ATP2B2: variants seen among roughly 807,000 people sequenced by gnomAD.
The protein encoded by ATP2B2 is ATPase plasma membrane Ca2+ transporting 2.
A neutral mutation model predicts 120.0 loss-of-function variants in ATP2B2; 15 were observed. The observed-to-expected ratio is 0.12, with a 90% CI of 0.08 to 0.19. The LOEUF (loss-of-function observed/expected upper bound fraction) is 0.19, where lower values mean the gene tolerates loss of function less well. Among genes scored for constraint, ATP2B2 ranks in the 10% least tolerant of loss-of-function variants. ATP2B2 has a pLI of 1.00. For synonymous variants in ATP2B2, 694 were observed against 700.3 expected (o/e 0.99, Z 0.14); for missense variants, 1,045 against 1,719.8 (o/e 0.61, Z 6.94).
chr3:10,446,895 A>G (rs1444198361), intron 2 of ATP2B2, among the ~76,000 whole-genome samples: 1 of 152,264 alleles, frequency 6.6e-6, no homozygotes, highest in Non-Finnish European at 1.5e-5. Flanking sequence ...ATGAGAAAAC[A>G]GAGTTCTTTA....
At chr3:10,655,583 C>G (rs950509119) in intron 1 of ATP2B2, among the ~76,000 whole-genome samples, 1 of 152,198 alleles carries the variant, frequency 6.6e-6, no homozygotes, top group Admixed American at 6.5e-5. Flanking sequence ...GGTCCCAGAG[C>G]CCATCAAATC....
intron 1 of ATP2B2, among the ~76,000 whole-genome samples, chr3:10,501,370 A>C (rs1202541728): frequency 4.3e-5 from 5 of 116,188 alleles, no homozygotes; most frequent in Admixed American, 8.7e-5. Flanking sequence ...CATTTTTTAA[A>C]CGGTTTTTTT....
At chr3:10,575,878 T>C (rs1446355534) in intron 2 of ATP2B2, among the ~76,000 whole-genome samples, 1 of 152,200 alleles carries the variant, frequency 6.6e-6, no homozygotes, top group African/African-American at 2.4e-5. Flanking sequence ...ATCTGACTTC[T>C]GGAAACTGTC....
intron 1 of ATP2B2, among the ~76,000 whole-genome samples, chr3:10,643,568 T>C (rs1368575320): frequency 2.0e-5 from 3 of 152,180 alleles, no homozygotes; most frequent in Non-Finnish European, 4.4e-5. Context: ...ATCACATGCC[T>C]GGGAAAGACA....
intron 2 of ATP2B2, among the ~76,000 whole-genome samples, chr3:10,553,109 C>T (rs563923381): frequency 6.6e-6 from 1 of 152,288 alleles, no homozygotes; most frequent in South Asian, 2.1e-4. Context: ...GGGAACATAA[C>T]AGAAATGCTT....
At chr3:10,512,389 C>T (rs1559431164) in intron 3 of ATP2B2, among the ~76,000 whole-genome samples, 1 of 151,800 alleles carries the variant, frequency 6.6e-6, no homozygotes, top group Non-Finnish European at 1.5e-5. Flanking sequence ...CATGTCCAGC[C>T]TGAATGGCTC....
At chr3:10,575,667 G>A (rs1489065055) in intron 2 of ATP2B2, among the ~76,000 whole-genome samples, 1 of 152,176 alleles carries the variant, frequency 6.6e-6, no homozygotes, top group Non-Finnish European at 1.5e-5. Context: ...GGGTAGAGAG[G>A]ATGAGAAATG....
intron 2 of ATP2B2, among the ~76,000 whole-genome samples, chr3:10,535,417 G>GT (rs2067294057): frequency 1.4e-5 from 2 of 146,208 alleles, no homozygotes; most frequent in South Asian, 4.4e-4. Flanking sequence ...GTGTGTGTGT[G>GT]TAGCTCTATG....
At chr3:10,521,590 G>GAA (rs1491266969) in intron 3 of ATP2B2, among the ~76,000 whole-genome samples, 2 of 152,212 alleles carry the variant, frequency 1.3e-5, no homozygotes, top group Non-Finnish European at 1.5e-5. Context: ...TAGAAGCAGC[G>GAA]AGAGTGTGGA....
intron 5 of ATP2B2, among the ~76,000 whole-genome samples, chr3:10,398,466 A>T (rs1403074490): frequency 6.6e-6 from 1 of 152,176 alleles, no homozygotes; most frequent in Non-Finnish European, 1.5e-5. Flanking sequence ...CAGTGCTCAC[A>T]GGCCACCATT....
At chr3:10,549,793 C>G (rs1575485907) in intron 2 of ATP2B2, among the ~76,000 whole-genome samples, 4 of 152,268 alleles carry the variant, frequency 2.6e-5, no homozygotes, top group Admixed American at 1.3e-4. Context: ...GCAGGGAGCT[C>G]TCGGAGTCCA....
In ATP2B2 at chr3:10,414,032, T is replaced by C. The variant is rs563941429; in HGVS notation, c.200-3217A>G. Among the ~76,000 whole-genome samples the C allele has an allele frequency of 4.6e-5, 7 of 152,254 alleles. No homozygotes were observed. The South Asian group carries it at 6.2e-4, about 14-fold the overall frequency. On this transcript the variant is annotated intron_variant, in intron 2 of 22. Transcript: ENST00000360273. ...TCAACAATGGGAGTGTTCAATAAGA[T>C]GGGTAGGTCCTGAGAATCCCAGGGG...
At chr3:10,571,362 C>A (rs1575509033) in intron 2 of ATP2B2, among the ~76,000 whole-genome samples, 1 of 152,222 alleles carries the variant, frequency 6.6e-6, no homozygotes, top group Admixed American at 6.5e-5. Flanking sequence ...GACTCGTGGC[C>A]TCACGCCCCA....
chr3:10,330,666 G>A (rs1483993919), intron 22 of ATP2B2, among the ~76,000 whole-genome samples: 2 of 152,252 alleles, frequency 1.3e-5, no homozygotes, highest in Non-Finnish European at 2.9e-5. Context: ...GGGACTGGAC[G>A]AGACGGTCGT....
intron 1 of ATP2B2, among the ~76,000 whole-genome samples, chr3:10,630,992 T>G (rs1444878541): frequency 6.6e-6 from 1 of 152,218 alleles, no homozygotes; most frequent in Admixed American, 6.5e-5. Context: ...AATTCCAAAT[T>G]GGAAAATGTG....
In ATP2B2 at chr3:10,324,102, C is replaced by T. The variant is rs944306101; in HGVS notation, c.*4712G>A. ...GACAAATCCCATTAATTACAAAGAG[C>T]ACAAGCCAAAGATACAGAGAAATAA... On this transcript the variant is annotated 3_prime_UTR_variant, in exon 23 of 23. Coordinates refer to ENST00000360273, the MANE Select transcript of ATP2B2 (RefSeq NM_001001331.4). The T allele has an allele frequency of 3.3e-5, 5 of 152,206 alleles. 1 individual carries two copies. The highest frequency in any genetic ancestry group is 3.3e-4 in the Admixed American group (5 of 15,294). 9.4% of individuals were successfully genotyped at this position (152,206 alleles called of 1,614,324 possible).
At position 10,449,448 on chromosome 3, in the gene ATP2B2, G is replaced by A. The variant is rs1388606306; in HGVS notation, c.96C>T (p.Arg32=). 6.2e-7 allele frequency: 1 copy of A among 1,614,152 alleles called. No individual in the cohort carries two copies. Among genetic ancestry groups the A allele is most frequent in the Non-Finnish European group, 8.5e-7 (1 of 1,180,060 alleles). Reference sequence around the variant, plus strand: ...CAGTGCCCCGCAGCTCCATGAGGGAGCGGAGCTCCTCCATTGTGCACCCGA... The same window carrying A: ...CAGTGCCCCGCAGCTCCATGAGGGAACGGAGCTCCTCCATTGTGCACCCGA... The part of the protein sequence containing the change: ...GEFGCTMEEL[R]SLMELRGTEA... Residue 32 remains arginine, a synonymous_variant, in exon 2 of 23, where the codon CGC becomes CGT. Transcript: ENST00000360273.
At chr3:10,634,932 T>C (rs966257824) in intron 1 of ATP2B2, among the ~76,000 whole-genome samples, 1 of 152,198 alleles carries the variant, frequency 6.6e-6, no homozygotes, top group African/African-American at 2.4e-5. Context: ...TCCTGTTATG[T>C]GGAACCAGGG....
intron 2 of ATP2B2, among the ~76,000 whole-genome samples, chr3:10,536,370 T>C (rs1304969968): frequency 6.6e-6 from 1 of 151,946 alleles, no homozygotes; most frequent in African/African-American, 2.4e-5. Context: ...GTCACAGGAT[T>C]TTTTTGCCTG....
Sources: allele counts gnomAD v4.1 joint callset (sites outside exome capture counted in the v4.1 genomes callset), GRCh38; gene constraint gnomAD v4.1.1; transcripts MANE v1.5; gene names NCBI Gene and HGNC (gene_info 2026-07-23, HGNC 2026-07-21).